Variants in UBE2K observed in about 807,000 individuals in gnomAD.
UBE2K encodes ubiquitin-conjugating enzyme E2 K.
In UBE2K, 6 loss-of-function variants were observed where a neutral mutation model predicts 30.0. The observed-to-expected ratio is 0.20, with a 90% confidence interval of 0.11 to 0.39. The LOEUF is 0.39. Ranked by LOEUF, UBE2K falls within the 10% of genes least tolerant of loss-of-function variation. UBE2K has a pLI of 1.00. For synonymous variants in UBE2K, 86 were observed against 83.7 expected (o/e 1.03, Z -0.15); for missense variants, 61 against 241.6 (o/e 0.25, Z 4.96).
intron 1 of UBE2K, among the ~76,000 whole-genome samples, chr4:39,711,202 G>A (rs1206103533): frequency 4.7e-5 from 6 of 127,330 alleles, no homozygotes; most frequent in Non-Finnish European, 9.4e-5. Flanking sequence ...TCACTTTGTC[G>A]CCCAGGCTGG....
intron 4 of UBE2K, among the ~76,000 whole-genome samples, chr4:39,757,018 G>GTTTT (rs1227834116): frequency 4.2e-5 from 3 of 72,090 alleles, no homozygotes; most frequent in East Asian, 5.4e-4. Flanking sequence ...TTTGTTTTTT[G>GTTTT]TTTTTTGTTT....
intron 1 of UBE2K, among the ~76,000 whole-genome samples, chr4:39,711,785 C>G (rs1290026370): frequency 6.6e-6 from 1 of 151,732 alleles, no homozygotes; most frequent in Non-Finnish European, 1.5e-5. Context: ...CTCCTGTAAT[C>G]CCAGCACTTT....
At chr4:39,698,933 C>T (rs1027735278) in intron 1 of UBE2K, among the ~76,000 whole-genome samples, 2 of 152,134 alleles carry the variant, frequency 1.3e-5, no homozygotes, top group Non-Finnish European at 2.9e-5. Flanking sequence ...GTTAGTCCTT[C>T]TTAGTTGGGT....
intron 4 of UBE2K, among the ~76,000 whole-genome samples, chr4:39,768,200 A>C (rs1712473453): frequency 6.7e-6 from 1 of 150,106 alleles, no homozygotes; most frequent in Non-Finnish European, 1.5e-5. Flanking sequence ...GCACTTTGGG[A>C]GGCAGAAGTG....
chr4:39,753,291 G>T (rs926949237), intron 3 of UBE2K, among the ~76,000 whole-genome samples: 2 of 152,110 alleles, frequency 1.3e-5, no homozygotes, highest in African/African-American at 4.8e-5. Context: ...TTTTAAGATG[G>T]ATCACCTGAG....
intron 3 of UBE2K, among the ~76,000 whole-genome samples, chr4:39,748,247 CA>C (rs1721079688): frequency 6.6e-6 from 1 of 151,940 alleles, no homozygotes; most frequent in African/African-American, 2.4e-5. Flanking sequence ...TTTTTAGAGA[CA>C]GGGTCTTACT....
intron 1 of UBE2K, among the ~76,000 whole-genome samples, chr4:39,706,042 C>T (rs1216832797): frequency 1.3e-5 from 2 of 152,018 alleles, no homozygotes; most frequent in East Asian, 1.9e-4. Flanking sequence ...GACGGAGTCT[C>T]GCTCTGTCAC....
intron 4 of UBE2K, among the ~76,000 whole-genome samples, chr4:39,758,008 C>A (rs1371699688): frequency 1.3e-5 from 2 of 152,214 alleles, no homozygotes; most frequent in African/African-American, 4.8e-5. Flanking sequence ...CTTCCCTGAA[C>A]TTGAGACTCC....
intron 1 of UBE2K, among the ~76,000 whole-genome samples, chr4:39,700,365 TTTG>T (rs922676246): frequency 2.0e-5 from 3 of 152,140 alleles, no homozygotes; most frequent in Non-Finnish European, 2.9e-5. Flanking sequence ...AGACAGGTTT[TTTG>T]TTGTTTTTGT....
intron 4 of UBE2K, chr4:39,770,295 C>T: frequency 1.2e-6 from 2 of 1,611,830 alleles, no homozygotes; most frequent in Non-Finnish European, 1.7e-6. Context: ...GCAGATGCCG[C>T]ACGAGTGTGA....
chr4:39,780,797 T>G lies in UBE2K; in HGVS notation c.*2363T>G, dbSNP rs1713566714. On this transcript the variant is annotated 3_prime_UTR_variant, in exon 7 of 7. Transcript: ENST00000261427. ...ATAGAAACTAAAGCAATTGCTTTTT[T>G]CCTCTGGTCTTAAATATGTTTGGAC... The G allele has an allele frequency of 6.6e-6, 1 of 152,136 alleles. No individual in the cohort carries two copies. Among genetic ancestry groups the G allele is most frequent in the Non-Finnish European group, 1.5e-5 (1 of 67,978 alleles). The allele number at this position is 152,136 out of a possible 1,614,324, so 9.4% of individuals were successfully genotyped here.
intron 4 of UBE2K, chr4:39,771,093 C>T: frequency 6.2e-7 from 1 of 1,612,694 alleles, no homozygotes; most frequent in Non-Finnish European, 8.5e-7. Context: ...ATTTCTCCAC[C>T]ACGTGCTCCA....
chr4:39,774,176 T>C (rs1713130296), intron 4 of UBE2K, among the ~76,000 whole-genome samples: 2 of 149,086 alleles, frequency 1.3e-5, no homozygotes, highest in African/African-American at 4.9e-5. Flanking sequence ...TGGTGGTGTG[T>C]GCCTGTAGTC....
At chr4:39,740,303 TTAGA>T (rs1257916214) in intron 2 of UBE2K, among the ~76,000 whole-genome samples, 7 of 152,212 alleles carry the variant, frequency 4.6e-5, no homozygotes, top group East Asian at 1.9e-4. Flanking sequence ...CTGAGCTAAA[TTAGA>T]TAGAAGCAAT....
At chr4:39,760,174 C>CAAAAAAA (rs1553879299) in intron 4 of UBE2K, among the ~76,000 whole-genome samples, 3 of 5,394 alleles carry the variant, frequency 5.6e-4, no homozygotes, top group African/African-American at 4.0e-3. Flanking sequence ...GAGACTCTGT[C>CAAAAAAA]ACAAAAAAAA....
At chr4:39,778,097 C>CAAAAAA (rs36215155) in intron 6 of UBE2K, among the ~76,000 whole-genome samples, 1 of 51,736 alleles carries the variant, frequency 1.9e-5, no homozygotes, top group African/African-American at 7.8e-5. Context: ...GACCCTGTCT[C>CAAAAAA]AAAAAAAAAA....
intron 4 of UBE2K, chr4:39,770,155 C>T (rs1712684739): frequency 6.2e-7 from 1 of 1,604,688 alleles, no homozygotes; most frequent in South Asian, 1.1e-5. Context: ...CCGTGTTGCT[C>T]CTTGAGATGC....
intron 1 of UBE2K, among the ~76,000 whole-genome samples, chr4:39,722,870 A>G (rs1187127521): frequency 6.8e-6 from 1 of 146,866 alleles, no homozygotes; most frequent in Non-Finnish European, 1.5e-5. Flanking sequence ...ATCTCGGCTC[A>G]CTGCAACCTT....
At chr4:39,740,472 G>A (rs1451040758) in intron 2 of UBE2K, among the ~76,000 whole-genome samples, 2 of 151,122 alleles carry the variant, frequency 1.3e-5, no homozygotes, top group Non-Finnish European at 2.9e-5. Flanking sequence ...AACCCCGGGA[G>A]GCGGAGCCTT....
Sources: gnomAD v4.1 joint callset for allele counts (sites outside exome capture counted in the v4.1 genomes callset) on GRCh38, gnomAD v4.1.1 for gene constraint, MANE v1.5 for transcripts, NCBI Gene and HGNC (gene_info 2026-07-23, HGNC 2026-07-21) for gene names.